The following ESRRG variants were observed in gnomAD, a reference collection of about 807,000 sequenced individuals.
ESRRG encodes the protein estrogen related receptor gamma.
In ESRRG, 13 loss-of-function variants were observed where a neutral mutation model predicts 44.0. That is an observed-to-expected ratio of 0.30 (90% CI 0.19 to 0.47). ESRRG has a LOEUF of 0.47. Among genes scored for constraint, ESRRG ranks in the 20% least tolerant of loss-of-function variants. ESRRG has a pLI of 1.00. For missense variants in ESRRG, 395 were observed against 580.6 expected (o/e 0.68, Z 3.29); for synonymous variants, 215 against 214.6 (o/e 1.00, Z -0.02).
At chr1:216,943,702 A>AAC (rs1339808442) in intron 1 of ESRRG, among the ~76,000 whole-genome samples, 1 of 152,212 alleles carries the variant, frequency 6.6e-6, no homozygotes, top group Non-Finnish European at 1.5e-5. Context: ...TAAAAGGGGA[A>AAC]ACACACATAT....
intron 2 of ESRRG, among the ~76,000 whole-genome samples, chr1:216,900,642 C>G (rs1293613885): frequency 1.3e-5 from 2 of 152,158 alleles, no homozygotes; most frequent in African/African-American, 2.4e-5. Context: ...CTCATGTTTT[C>G]TCTCTTGGTC....
intron 1 of ESRRG, among the ~76,000 whole-genome samples, chr1:216,958,211 T>C (rs1161641866): frequency 2.0e-5 from 3 of 152,224 alleles, no homozygotes; most frequent in Non-Finnish European, 4.4e-5. Flanking sequence ...TCACACATTT[T>C]AGCTATATGA....
At chr1:216,975,863 A>G (rs1045153537) in intron 1 of ESRRG, among the ~76,000 whole-genome samples, 1 of 152,198 alleles carries the variant, frequency 6.6e-6, no homozygotes, top group African/African-American at 2.4e-5. Flanking sequence ...TTCTTCACAT[A>G]TATCATTTGA....
intron 3 of ESRRG, among the ~76,000 whole-genome samples, chr1:216,617,000 T>A (rs185344905): frequency 2.0e-3 from 303 of 152,298 alleles, no homozygotes; most frequent in African/African-American, 7.1e-3. Flanking sequence ...TATGTAGAGA[T>A]CTTTTCAAAT....
At chr1:216,682,709 AGT>A (rs72420221) in intron 1 of ESRRG, among the ~76,000 whole-genome samples, 26,012 of 144,596 alleles carry the variant, frequency 0.18, 2,247 homozygotes, top group Middle Eastern at 0.23. Context: ...AATACTCTAT[AGT>A]GTGTGTGTGT....
At chr1:217,085,662 TG>T (rs747671206) in intron 1 of ESRRG, among the ~76,000 whole-genome samples, 9 of 151,806 alleles carry the variant, frequency 5.9e-5, no homozygotes, top group South Asian at 2.1e-4. Flanking sequence ...AGCTAATTTT[TG>T]TATTTTTGGT....
At chr1:216,644,012 G>A (rs1315459522) in intron 3 of ESRRG, among the ~76,000 whole-genome samples, 1 of 152,114 alleles carries the variant, frequency 6.6e-6, no homozygotes, top group Non-Finnish European at 1.5e-5. Context: ...ATAGATACAG[G>A]AAGGTCCTAG....
chr1:217,124,792 C>G (rs769752048), intron 1 of ESRRG, among the ~76,000 whole-genome samples: 2 of 152,280 alleles, frequency 1.3e-5, no homozygotes, highest in East Asian at 1.9e-4. Flanking sequence ...GTAGGCAATA[C>G]ATAGAAAGGA....
At chr1:216,556,869 A>G (rs1351889422) in intron 5 of ESRRG, among the ~76,000 whole-genome samples, 1 of 152,190 alleles carries the variant, frequency 6.6e-6, no homozygotes, top group African/African-American at 2.4e-5. Context: ...CATAGAGCTC[A>G]TTAAATGCTT....
intron 2 of ESRRG, among the ~76,000 whole-genome samples, chr1:216,662,078 T>C (rs189152844): frequency 1.2e-3 from 181 of 152,288 alleles, no homozygotes; most frequent in African/African-American, 4.3e-3. Context: ...GTATTTAAGA[T>C]GCTTAGCAGA....
chr1:216,569,111 AGAAG>A (rs375350792), intron 3 of ESRRG, among the ~76,000 whole-genome samples: 9 of 104,468 alleles, frequency 8.6e-5, no homozygotes, highest in African/African-American at 2.1e-4. Flanking sequence ...GAAGGAAGGA[AGAAG>A]GAAGGAAGGA....
intron 2 of ESRRG, among the ~76,000 whole-genome samples, chr1:216,670,125 C>T (rs2074870173): frequency 6.6e-6 from 1 of 152,288 alleles, no homozygotes; most frequent in East Asian, 1.9e-4. Context: ...GGGTTAAATA[C>T]ATTTTATTAG....
At position 216,733,788 on chromosome 1, in the gene ESRRG, C is replaced by T. The variant is rs746423807; in HGVS notation, c.-13-56297G>A. Among the ~76,000 whole-genome samples the T allele has an allele frequency of 1.6e-4, 24 of 151,922 alleles. No individual in the cohort carries two copies. The South Asian group carries it at 4.8e-3, about 30-fold the overall frequency. The stretch of plus-strand genomic sequence containing the variant: ...GGCGGATCACCTGAAGTCAGGAGTT[C>T]GAGACCAGCTTGACAAACATAGCAA... On this transcript the variant is annotated intron_variant, in intron 2 of 7. Transcript: ENST00000359162.
intron 1 of ESRRG, among the ~76,000 whole-genome samples, chr1:216,964,396 C>A (rs916710172): frequency 6.6e-6 from 1 of 152,074 alleles, no homozygotes; most frequent in Non-Finnish European, 1.5e-5. Context: ...CACTCCATAC[C>A]CCCATCCCCA....
At chr1:216,519,079 T>C (rs1424961787) in intron 6 of ESRRG, 73 bp downstream of exon 6, 17 of 1,375,180 alleles carry the variant, frequency 1.2e-5, no homozygotes, top group Admixed American at 2.0e-5. Context: ...AGCAAATCCC[T>C]AAAGAAGTTA....
intron 2 of ESRRG, among the ~76,000 whole-genome samples, chr1:216,668,636 G>T (rs1184048567): frequency 2.0e-5 from 3 of 151,986 alleles, no homozygotes; most frequent in African/African-American, 7.3e-5. Context: ...ACAACCCAAA[G>T]ATCTTTTTTC....
intron 1 of ESRRG, among the ~76,000 whole-genome samples, chr1:216,980,882 G>A (rs1158526930): frequency 6.7e-6 from 1 of 149,386 alleles, no homozygotes; most frequent in Non-Finnish European, 1.5e-5. Flanking sequence ...GCCTGAACAG[G>A]TCAGGCGGTC....
chr1:216,608,236 C>A (rs1364925910), intron 3 of ESRRG, among the ~76,000 whole-genome samples: 1 of 152,154 alleles, frequency 6.6e-6, no homozygotes. Flanking sequence ...CTTTTATCAA[C>A]TTAAATATTA....
Position 216,519,368 on chromosome 1 carries a change from T to C in ESRRG, c.916A>G (p.Met306Val), listed in dbSNP as rs767380807. The C allele has an allele frequency of 2.5e-6, 4 of 1,613,590 alleles. No homozygotes were observed. The change falls in exon 6 of 7, where the codon ATG becomes GTG. Residue 306 changes from methionine (M) to valine (V), a missense_variant. Met to Val is a conservative substitution (Grantham distance 21, BLOSUM62 1). Coordinates refer to ENST00000408911, the MANE Select transcript of ESRRG (RefSeq NM_001438.4). ...DQMSLLQSAW[M>V]EILILGVVYR... ...ACGACACCAAGGATCAAAATTTCCA[T>C]CCAAGCACTCTGCAGAAGGCTCATC...
Sources: gnomAD v4.1 joint callset for allele counts (sites outside exome capture counted in the v4.1 genomes callset) on GRCh38, gnomAD v4.1.1 for gene constraint, MANE v1.5 for transcripts, NCBI Gene and HGNC (gene_info 2026-07-23, HGNC 2026-07-21) for gene names.